Variants in MTHFD1L observed in about 807,000 individuals in gnomAD.
The protein encoded by MTHFD1L is methylenetetrahydrofolate dehydrogenase (NADP+ dependent) 1 like.
A neutral mutation model predicts 119.5 loss-of-function variants in MTHFD1L; 81 were observed. That is an observed-to-expected ratio of 0.68 (90% confidence interval 0.57 to 0.82). The LOEUF (loss-of-function observed/expected upper bound fraction) is 0.82, where lower values mean the gene tolerates loss of function less well. Among genes scored for constraint, MTHFD1L ranks in the 40% least tolerant of loss-of-function variants. MTHFD1L has a pLI of 0.00. For missense variants in MTHFD1L, 1,125 were observed against 1,253.4 expected, an observed-to-expected ratio of 0.90 and a Z score of 1.55; for synonymous variants, 430 against 475.2, an observed-to-expected ratio of 0.90 and a Z score of 1.24.
intron 20 of MTHFD1L, among the ~76,000 whole-genome samples, chr6:150,996,202 G>A (rs1400067932): frequency 6.6e-6 from 1 of 152,146 alleles, no homozygotes; most frequent in South Asian, 2.1e-4. Context: ...GAAGGACCCA[G>A]GAAAAGGAAG....
At chr6:150,945,631 T>TTCAAAATTTTC in intron 15 of MTHFD1L, 90 bp downstream of exon 15, 1 of 1,320,824 alleles carries the variant, frequency 7.6e-7, no homozygotes, top group Non-Finnish European at 1.1e-6. Context: ...CAACTTGGTT[T>TTCAAAATTTTC]GATTTTGGTT....
intron 26 of MTHFD1L, among the ~76,000 whole-genome samples, chr6:151,072,861 G>T (rs551141525): frequency 6.6e-6 from 1 of 152,234 alleles, no homozygotes; most frequent in Non-Finnish European, 1.5e-5. Flanking sequence ...ATAATGTTAT[G>T]TTAAAAGCAC....
intron 27 of MTHFD1L, among the ~76,000 whole-genome samples, chr6:151,096,710 C>T (rs1304214821): frequency 6.6e-6 from 1 of 152,244 alleles, no homozygotes; most frequent in East Asian, 1.9e-4. Context: ...CGGAGCAGCA[C>T]ACTCATTATT....
chr6:151,009,926 C>A lies in MTHFD1L; in HGVS notation c.2233C>A (p.Arg745=), dbSNP rs1477822591. 1 of 1,612,674 alleles carries A rather than the reference C, an allele frequency of 6.2e-7. No homozygotes were observed. Among genetic ancestry groups the A allele is most frequent in the Non-Finnish European group, 8.5e-7 (1 of 1,179,524 alleles). Residue 745 remains arginine (R), a synonymous_variant, in exon 21 of 28, where the codon CGA becomes AGA. Transcript: ENST00000367321. The stretch of plus-strand genomic sequence containing the variant: ...CGTGGTTGTGTTAGTGGCAACGGTG[C>A]GAGCTCTGAAGATGCATGGAGGCGG... ...PNVVVLVATV[R]ALKMHGGGPS... is the part of the protein sequence containing the mutation.
At chr6:150,890,144 G>A (rs1322447718) in intron 7 of MTHFD1L, among the ~76,000 whole-genome samples, 2 of 151,868 alleles carry the variant, frequency 1.3e-5, no homozygotes, top group African/African-American at 2.4e-5. Flanking sequence ...CAACAAGAAC[G>A]AAACTCCGTC....
intron 26 of MTHFD1L, among the ~76,000 whole-genome samples, chr6:151,058,279 G>T (rs1424343778): frequency 6.6e-6 from 1 of 152,222 alleles, no homozygotes; most frequent in African/African-American, 2.4e-5. Flanking sequence ...CTCTGGGTGG[G>T]TCAGGGCCAG....
intron 24 of MTHFD1L, among the ~76,000 whole-genome samples, chr6:151,030,759 A>G (rs1410518337): frequency 6.6e-6 from 1 of 152,226 alleles, no homozygotes; most frequent in Non-Finnish European, 1.5e-5. Context: ...GTTCAACTGT[A>G]TAGGGAGGGC....
intron 26 of MTHFD1L, among the ~76,000 whole-genome samples, chr6:151,061,335 C>G (rs1264743062): frequency 4.6e-5 from 7 of 152,164 alleles, no homozygotes; most frequent in Non-Finnish European, 1.0e-4. Flanking sequence ...ATGACGACAC[C>G]TGAAATATTG....
At chr6:150,914,545 A>G (rs1047294618) in intron 8 of MTHFD1L, among the ~76,000 whole-genome samples, 2 of 149,358 alleles carry the variant, frequency 1.3e-5, no homozygotes, top group African/African-American at 4.9e-5. Flanking sequence ...TGCAATCCCA[A>G]CTACTCAGGA....
intron 26 of MTHFD1L, among the ~76,000 whole-genome samples, chr6:151,076,622 G>A (rs1416497788): frequency 6.7e-6 from 1 of 148,600 alleles, no homozygotes; most frequent in Non-Finnish European, 1.5e-5. Flanking sequence ...CTGCACTCCA[G>A]CCTGGGTGAC....
At chr6:151,041,941 T>C (rs1787190595) in intron 26 of MTHFD1L, 1 of 406,126 alleles carries the variant, frequency 2.5e-6, no homozygotes, top group Non-Finnish European at 5.0e-6. Context: ...TTACTTTTAC[T>C]TTCCATGTTC....
chr6:151,041,472 T>C (rs1231124958), intron 26 of MTHFD1L, among the ~76,000 whole-genome samples: 1 of 152,216 alleles, frequency 6.6e-6, no homozygotes, highest in Non-Finnish European at 1.5e-5. Flanking sequence ...TTCTGCTTAG[T>C]CACCCAATGT....
intron 27 of MTHFD1L, among the ~76,000 whole-genome samples, chr6:151,100,094 C>T (rs1157196214): frequency 6.8e-6 from 1 of 147,938 alleles, no homozygotes; most frequent in Non-Finnish European, 1.5e-5. Flanking sequence ...AGTGCAGTGG[C>T]ACGATCTCGG....
At chr6:150,881,406 T>C (rs751943525) in intron 4 of MTHFD1L, among the ~76,000 whole-genome samples, 12 of 152,338 alleles carry the variant, frequency 7.9e-5, no homozygotes, top group East Asian at 5.8e-4. Context: ...AAGGAATCAT[T>C]TATTCCGTAT....
chr6:150,966,617 A>G (rs990717660), intron 19 of MTHFD1L, among the ~76,000 whole-genome samples: 14 of 152,126 alleles, frequency 9.2e-5, no homozygotes, highest in Non-Finnish European at 4.4e-5. Context: ...GAGGTCAGGA[A>G]CCTCGAGACC....
At chr6:150,901,317 A>T (rs964465029) in intron 7 of MTHFD1L, among the ~76,000 whole-genome samples, 5 of 152,184 alleles carry the variant, frequency 3.3e-5, no homozygotes, top group Non-Finnish European at 5.9e-5. Flanking sequence ...AAAAATATTT[A>T]AAAAACAAAA....
chr6:150,996,172 G>A (rs375147250), intron 20 of MTHFD1L, among the ~76,000 whole-genome samples: 55 of 152,236 alleles, frequency 3.6e-4, no homozygotes, highest in Middle Eastern at 6.8e-3. Context: ...AGGCAGCAGG[G>A]TGCCTTCTTG....
rs747845733 is a variant in MTHFD1L, at chr6:150,965,038, G to T, written c.2013+1G>T. 7 of 1,613,666 alleles carry T rather than the reference G, an allele frequency of 4.3e-6. No individual in the cohort carries two copies. Among genetic ancestry groups the T allele is most frequent in the Non-Finnish European group, 5.9e-6 (7 of 1,179,602 alleles). ...ACCAAACCTGATGCAGACCCTGGAA[G>T]TAAGTGGTTTTCTTCTTATAGTAAT... On this transcript the variant is annotated splice_donor_variant, in intron 19 of 27. Transcript: ENST00000367321. LOFTEE classifies it high-confidence loss of function.
In MTHFD1L at chr6:150,944,601, G is replaced by C. The variant is rs757890277; in HGVS notation, c.1548+8G>C. 3 of 1,604,216 alleles carry C rather than the reference G, an allele frequency of 1.9e-6. No homozygotes were observed. The highest frequency in any genetic ancestry group is 2.6e-6 in the Non-Finnish European group (3 of 1,171,910). On this transcript the variant is annotated splice_region_variant and intron_variant, in intron 14 of 27. Coordinates refer to ENST00000367321, the MANE Select transcript of MTHFD1L (RefSeq NM_015440.5). ...AACACGCAAACAGATAAGGTGAGAAGGATGCCTTGCTAGCCATTTTGGGTA... is the reference window on the plus strand; with the variant it reads ...AACACGCAAACAGATAAGGTGAGAACGATGCCTTGCTAGCCATTTTGGGTA...
Sources: gnomAD v4.1 joint callset for allele counts (sites outside exome capture counted in the v4.1 genomes callset) on GRCh38, gnomAD v4.1.1 for gene constraint, MANE v1.5 for transcripts, NCBI Gene and HGNC (gene_info 2026-07-23, HGNC 2026-07-21) for gene names.